The following RFTN1 variants were observed in gnomAD, a reference collection of about 807,000 sequenced individuals.
The protein encoded by RFTN1 is raftlin.
RFTN1 carries 26 observed loss-of-function variants against 46.5 expected under a neutral mutation model. That is an observed-to-expected ratio of 0.56 (90% CI 0.41 to 0.78). The LOEUF is 0.78. Among genes scored for constraint, RFTN1 ranks in the 30% least tolerant of loss-of-function variants. RFTN1 has a pLI of 0.00. For synonymous variants in RFTN1, 261 were observed against 284.2 expected, an observed-to-expected ratio of 0.92 and a Z score of 0.82; for missense variants, 693 against 718.7, an observed-to-expected ratio of 0.96 and a Z score of 0.41.
intron 2 of RFTN1, 59 bp downstream of exon 2, chr3:16,493,666 C>A: frequency 7.0e-7 from 1 of 1,430,686 alleles, no homozygotes; most frequent in South Asian, 1.3e-5. Flanking sequence ...CCCCCATCCC[C>A]TGCAGGCCCC....
chr3:16,467,246 A>G (rs1346957710), intron 2 of RFTN1, among the ~76,000 whole-genome samples: 2 of 152,220 alleles, frequency 1.3e-5, no homozygotes, highest in Non-Finnish European at 2.9e-5. Context: ...GGCATTGGAA[A>G]TGAGGGAAGG....
intron 4 of RFTN1, among the ~76,000 whole-genome samples, chr3:16,379,779 C>T (rs842415): frequency 0.7 from 106,673 of 152,152 alleles, 37,840 homozygotes; most frequent in African/African-American, 0.75. Flanking sequence ...TCTATGATAT[C>T]CACCTATGTT....
chr3:16,392,204 G>A (rs1261221191), intron 4 of RFTN1, among the ~76,000 whole-genome samples: 4 of 152,142 alleles, frequency 2.6e-5, no homozygotes, highest in African/African-American at 7.2e-5. Context: ...CCTTATGTGG[G>A]TTGTAATTCT....
Position 16,358,193 on chromosome 3 carries a change from C to G in RFTN1, c.1031-146G>C, listed in dbSNP as rs191951667. The G allele has an allele frequency of 1.6e-5, 10 of 623,838 alleles. No homozygotes were observed. The African/African-American group carries it at 1.6e-4, about 10-fold the overall frequency. 38.6% of individuals were successfully genotyped at this position (623,838 alleles called of 1,614,324 possible). On this transcript the variant is annotated intron_variant, in intron 6 of 9. Transcript: ENST00000334133. ...GCATGTTAATTAAAGAAGGCACACA[C>G]AAGCCATAGAGTCTATCTAGCCCTA...
intron 2 of RFTN1, among the ~76,000 whole-genome samples, chr3:16,461,626 T>C (rs2076009550): frequency 6.6e-6 from 1 of 152,186 alleles, no homozygotes; most frequent in African/African-American, 2.4e-5. Flanking sequence ...TGACCATGTT[T>C]ACATTATCAA....
rs1467390076 is a variant in RFTN1 at position 16,402,453 on chromosome 3, T to A, written c.441+6922A>T. Among the ~76,000 whole-genome samples the A allele has an allele frequency of 4.6e-5, 7 of 152,158 alleles. No homozygotes were observed. The highest frequency in any genetic ancestry group is 9.7e-5 in the African/African-American group (4 of 41,430). ...CCCCCCTCCCCAGGTTCATCTTTTT[T>A]AAATGTCACTATTCTCTTGGTTTGT... On this transcript the variant is annotated intron_variant, in intron 4 of 9. Coordinates refer to ENST00000334133, the MANE Select transcript of RFTN1 (RefSeq NM_015150.2). This position sits in a 1 kb window ranked among gnomAD's most constrained non-coding sequence, Gnocchi z 4.5.
Position 16,510,039 on chromosome 3 carries a change from C to A in RFTN1, c.-9+3403G>T, listed in dbSNP as rs189604603. ...AGGCAAGCTTTGGCTGTTGGCACCA[C>A]AGAGAGGGACTAAGTTATTAGGGGA... On this transcript the variant is annotated intron_variant, in intron 1 of 9. Transcript: ENST00000334133. 3.3e-5 allele frequency among the ~76,000 whole-genome samples: 5 copies of A among 152,336 alleles called. No homozygotes were observed. The East Asian group carries it at 9.6e-4, about 29-fold the overall frequency.
chr3:16,357,842 C>A, intron 7 of RFTN1, 90 bp downstream of exon 7: 2 of 806,730 alleles, frequency 2.5e-6, no homozygotes, highest in Non-Finnish European at 2.1e-6. Context: ...AAAGCCACAG[C>A]TGAGCCACAG....
intron 3 of RFTN1, among the ~76,000 whole-genome samples, chr3:16,415,404 G>A (rs2075053606): frequency 1.1e-5 from 1 of 91,690 alleles, no homozygotes; most frequent in Non-Finnish European, 2.5e-5. Context: ...CTGGTAGACA[G>A]TTGAGTATAT....
At position 16,403,778 on chromosome 3, in the gene RFTN1, T is replaced by C. The variant is rs1245108783; in HGVS notation, c.441+5597A>G. Among the ~76,000 whole-genome samples the C allele has an allele frequency of 1.7e-4, 3 of 17,364 alleles. 1 individual carries two copies. Among genetic ancestry groups the C allele is most frequent in the Non-Finnish European group, 2.6e-4 (3 of 11,520 alleles). 11.4% of individuals were successfully genotyped at this position (17,364 alleles called of 152,430 possible). A position where few individuals can be genotyped will look rare whatever the true frequency, so the allele number is the denominator to read the frequency against. ...TATAAAATATATAATATATAATATA[T>C]ATTATATATTTTATATATAATATAT... On this transcript the variant is annotated intron_variant, in intron 4 of 9. Transcript: ENST00000334133.
Position 16,440,106 on chromosome 3 carries a change from TC to T in RFTN1, c.146-6070del, listed in dbSNP as rs1559348546. 2.6e-5 allele frequency among the ~76,000 whole-genome samples: 4 copies of T among 152,266 alleles called. No individual in the cohort carries two copies. In the South Asian group the frequency reaches 8.3e-4, roughly 32 times the overall value. ...ATGGCTGTCTTAGCCACCGTTACCTTCCAAAAAGAGAAAATGCCAGCCTACT... is the reference window on the plus strand; with the variant it reads ...ATGGCTGTCTTAGCCACCGTTACCTTCAAAAAGAGAAAATGCCAGCCTACT... On this transcript the variant is annotated intron_variant, in intron 2 of 9. Transcript: ENST00000334133. This position sits in a 1 kb window ranked among gnomAD's most constrained non-coding sequence, Gnocchi z 4.6.
intron 5 of RFTN1, among the ~76,000 whole-genome samples, chr3:16,372,721 A>G (rs1188746160): frequency 6.6e-6 from 1 of 152,224 alleles, no homozygotes; most frequent in African/African-American, 2.4e-5. Context: ...AGAAGTGAGA[A>G]TGCTGGGGGT....
At chr3:16,441,227 T>C (rs1285505000) in intron 2 of RFTN1, among the ~76,000 whole-genome samples, 1 of 151,414 alleles carries the variant, frequency 6.6e-6, no homozygotes, top group Non-Finnish European at 1.5e-5. Flanking sequence ...CCAAACGTCT[T>C]TTGAAATAAG....
At position 16,323,477 on chromosome 3, in the gene RFTN1, G is replaced by C. The variant is rs770776552; in HGVS notation, c.1251-20C>G. ...CCCTCGCTGTAACACACGGAGCTGA[G>C]AATGAGCCACTTTATGCCTTAGAGG... On this transcript the variant is annotated intron_variant, in intron 8 of 9. Coordinates refer to ENST00000334133, the MANE Select transcript of RFTN1 (RefSeq NM_015150.2). 6.3e-7 allele frequency: 1 copy of C among 1,594,082 alleles called. No individual in the cohort carries two copies. Among genetic ancestry groups the C allele is most frequent in the Admixed American group, 1.7e-5 (1 of 59,626 alleles).
Position 16,493,729 on chromosome 3 carries a change from A to C in RFTN1, c.141T>G (p.Ser47Arg). The C allele has an allele frequency of 6.2e-7, 1 of 1,601,472 alleles. No individual in the cohort carries two copies. The change falls in exon 2 of 10, where the codon AGT (serine) becomes AGG (arginine). Residue 47 changes from serine to arginine, a missense_variant. Physicochemically the swap from Ser to Arg is moderately radical, Grantham distance 110 (BLOSUM62 -1). Transcript: ENST00000334133. ...EYRFLEFTTL[S>R]AAELPGSSAV... ...ATTCCCACCCCATGTACTCACCAGCACTCAGAGTCGTGAACTCCAGGAAGC... is the reference window on the plus strand; with the variant it reads ...ATTCCCACCCCATGTACTCACCAGCCCTCAGAGTCGTGAACTCCAGGAAGC...
In RFTN1 at chr3:16,465,419, GACACACACACACACACACAC is replaced by G; in HGVS notation, c.145+28286_145+28305del. ...CCAACAGAGGTTGGCAGCTCAGAGG[GACACACACACACACACACAC>G]ACACACACACACACACCCCATGCCT... On this transcript the variant is annotated intron_variant, in intron 2 of 9. Transcript: ENST00000334133. The surrounding 1 kb of genome is among the most constrained non-coding windows in gnomAD (Gnocchi z 5.1). Among the ~76,000 whole-genome samples the G allele has an allele frequency of 7.0e-6, 1 of 143,404 alleles. No homozygotes were observed. Among genetic ancestry groups the G allele is most frequent in the South Asian group, 2.3e-4 (1 of 4,376 alleles). The allele number at this position is 143,404 out of a possible 152,430, so 94.1% of individuals were successfully genotyped here.
rs111974509 is a variant in RFTN1, at chr3:16,410,592, G to C, written c.333-1109C>G. Among the ~76,000 whole-genome samples the C allele has an allele frequency of 5.9e-5, 9 of 152,268 alleles. No homozygotes were observed. Among genetic ancestry groups the C allele is most frequent in the African/African-American group, 1.4e-4 (6 of 41,538 alleles). ...TCTGGCAAAATCTATGGAAATTAAA[G>C]ATGCATTAAAGAAAGACTACTGAGC... On this transcript the variant is annotated intron_variant, in intron 3 of 9. Transcript: ENST00000334133. This position sits in a 1 kb window ranked among gnomAD's most constrained non-coding sequence, Gnocchi z 4.6.
At position 16,370,249 on chromosome 3, in the gene RFTN1, G is replaced by A. The variant is rs763955154; in HGVS notation, c.857C>T (p.Pro286Leu). ...KMEIFTLFNK[P>L]KSHQKCRQYY... ...TTGCCGGCACTTCTGATGGCTCTTC[G>A]GTTTGTTGAAAAGGGTGAAGATCTC... is the stretch of plus-strand genomic sequence containing the variant. Residue 286 changes from proline to leucine, a missense_variant, in exon 6 of 10, where the codon CCG (proline) becomes CTG (leucine). Pro to Leu is a moderately conservative substitution (Grantham distance 98). Transcript: ENST00000334133. The surrounding 1 kb of genome is among the most constrained non-coding windows in gnomAD (Gnocchi z 5.5). 6.8e-6 allele frequency: 11 copies of A among 1,614,032 alleles called. No homozygotes were observed. Among genetic ancestry groups the A allele is most frequent in the African/African-American group, 5.3e-5 (4 of 74,902 alleles).
intron 1 of RFTN1, among the ~76,000 whole-genome samples, chr3:16,510,548 A>T (rs959509213): frequency 6.6e-6 from 1 of 152,304 alleles, no homozygotes; most frequent in East Asian, 1.9e-4. Flanking sequence ...CTATAAAAAC[A>T]TGTTCCCCAC....
Sources: allele counts gnomAD v4.1 joint callset (sites outside exome capture counted in the v4.1 genomes callset), GRCh38; gene constraint gnomAD v4.1.1; non-coding constraint Gnocchi (gnomAD v3.1); transcripts MANE v1.5; gene names NCBI Gene and HGNC (gene_info 2026-07-23, HGNC 2026-07-21).